The following LY75 variants were observed in gnomAD, a reference collection of about 807,000 sequenced individuals.
LY75 encodes lymphocyte antigen 75, also known as C-type lectin domain family 13 member B.
Under a neutral mutation model 231.7 loss-of-function variants are expected in LY75, and 185 were observed. The observed-to-expected ratio is 0.80, with a 90% CI of 0.71 to 0.90. LY75 has a LOEUF of 0.90. Ranked by LOEUF, LY75 falls within the 40% of genes least tolerant of loss-of-function variation. The probability of loss-of-function intolerance (pLI) is 0.00; values close to 1 mark genes in which losing one functional copy is unlikely to be tolerated. For synonymous variants in LY75, 668 were observed against 689.0 expected, an observed-to-expected ratio of 0.97 and a Z score of 0.48; for missense variants, 1,947 against 2,050.2, an observed-to-expected ratio of 0.95 and a Z score of 0.97.
intron 1 of LY75, 70 bp downstream of exon 1, chr2:159,904,519 G>C (rs1241156852): frequency 2.1e-6 from 3 of 1,439,214 alleles, no homozygotes; most frequent in Non-Finnish European, 2.7e-6. Context: ...CCCTGCCCCA[G>C]GCTGGAAGGC....
intron 14 of LY75, among the ~76,000 whole-genome samples, chr2:159,861,169 C>CT (rs1015697588): frequency 2.0e-4 from 30 of 152,202 alleles, no homozygotes; most frequent in Non-Finnish European, 3.4e-4. Context: ...TTGCAAAATA[C>CT]TTTTTTCTTT....
intron 25 of LY75, among the ~76,000 whole-genome samples, chr2:159,840,253 G>C (rs1473012138): frequency 6.6e-6 from 1 of 152,058 alleles, no homozygotes; most frequent in East Asian, 1.9e-4. Flanking sequence ...TCTTTCAATA[G>C]TGGAAAGATA....
intron 28 of LY75, among the ~76,000 whole-genome samples, chr2:159,826,590 G>A (rs755064132): frequency 6.6e-6 from 1 of 152,162 alleles, no homozygotes; most frequent in Non-Finnish European, 1.5e-5. Context: ...TTTCTTCACA[G>A]AACTGGAAAA....
At chr2:159,900,871 C>G (rs370904706) in intron 1 of LY75, among the ~76,000 whole-genome samples, 1 of 152,058 alleles carries the variant, frequency 6.6e-6, no homozygotes, top group South Asian at 2.1e-4. Context: ...TGGAGTCTTG[C>G]TCTGTTGCCC....
At chr2:159,870,674 CT>C (rs34789684) in intron 13 of LY75, among the ~76,000 whole-genome samples, 53,151 of 141,522 alleles carry the variant, frequency 0.38, 10,902 homozygotes, top group South Asian at 0.67. Flanking sequence ...CCAGCTAATT[CT>C]TTTTTTTTTT....
chr2:159,901,119 A>C (rs911581697), intron 1 of LY75, among the ~76,000 whole-genome samples: 1 of 152,184 alleles, frequency 6.6e-6, no homozygotes, highest in African/African-American at 2.4e-5. Flanking sequence ...GATTATAGGC[A>C]TGAGATACCG....
chr2:159,819,399 C>G (rs1218905327), intron 29 of LY75, among the ~76,000 whole-genome samples: 1 of 136,606 alleles, frequency 7.3e-6, no homozygotes, highest in Non-Finnish European at 1.7e-5. Flanking sequence ...CTTCTTGAAG[C>G]CTTTCCTTTT....
chr2:159,904,277 C>G (rs902003676), intron 1 of LY75, among the ~76,000 whole-genome samples: 1 of 152,202 alleles, frequency 6.6e-6, no homozygotes, highest in Admixed American at 6.5e-5. Context: ...AGAGAGGCGA[C>G]GATGGAGCAG....
chr2:159,806,897 T>C, intron 34 of LY75, 76 bp downstream of exon 34: 1 of 1,489,430 alleles, frequency 6.7e-7, no homozygotes, highest in Non-Finnish European at 9.0e-7. Context: ...ATACAGAATT[T>C]TGTACATAAT....
rs762436414 is a variant in LY75, at chr2:159,882,194, G to GA, written c.1175dup (p.Ser393GlnfsTer2). The GA allele has an allele frequency of 1.2e-6, 2 of 1,614,052 alleles. No individual in the cohort carries two copies. Among genetic ancestry groups the GA allele is most frequent in the East Asian group, 4.5e-5 (2 of 44,876 alleles). The stretch of plus-strand genomic sequence containing the variant: ...AATGAATGCTGATTAGGTCACTACT[G>GA]AAGGCTTTGCATTTCGCATGTGCCT... On this transcript the variant is annotated frameshift_variant, in exon 7 of 35. Coordinates refer to ENST00000263636, the MANE Select transcript of LY75 (RefSeq NM_002349.4). LOFTEE classifies it high-confidence loss of function.
rs775864913 is a variant in LY75 at position 159,819,869 on chromosome 2, C to T, written c.4010G>A (p.Arg1337Lys). The change falls in exon 29 of 35, where the codon AGA becomes AAA. Residue 1337 changes from arginine (R) to lysine (K), a missense_variant. Physicochemically the swap from Arg to Lys is conservative, Grantham distance 26. Coordinates refer to ENST00000263636, the MANE Select transcript of LY75 (RefSeq NM_002349.4). Reference protein sequence around the residue: ...DKTPLSYTHWRAGRPTIKNEK... With the variant: ...DKTPLSYTHWKAGRPTIKNEK... ...ATTTTTTATAGTTGGTCTTCCTGCT[C>T]TCCAATGTGTATATGACAGTGGGGT... The T allele has an allele frequency of 6.2e-6, 10 of 1,614,048 alleles. No individual in the cohort carries two copies. The highest frequency in any genetic ancestry group is 1.7e-5 in the Admixed American group (1 of 60,022).
chr2:159,821,993 C>G (rs1472578591), intron 28 of LY75, among the ~76,000 whole-genome samples: 5 of 152,184 alleles, frequency 3.3e-5, no homozygotes, highest in African/African-American at 1.2e-4. Context: ...CTGAGGAACT[C>G]TGGCACAGAT....
Position 159,890,395 on chromosome 2 carries a change from T to C in LY75, c.638-18A>G, listed in dbSNP as rs777135947. ...ACCGTTTTCTGTTGATAAAGACACG[T>C]TAGTGATCATAAAGTAAGGACATAA... On this transcript the variant is annotated intron_variant, in intron 3 of 34. Coordinates refer to ENST00000263636, the MANE Select transcript of LY75 (RefSeq NM_002349.4). The C allele has an allele frequency of 1.2e-6, 2 of 1,611,624 alleles. No homozygotes were observed.
intron 4 of LY75, among the ~76,000 whole-genome samples, chr2:159,888,338 T>C (rs1376199905): frequency 6.6e-6 from 1 of 152,176 alleles, no homozygotes; most frequent in Non-Finnish European, 1.5e-5. Flanking sequence ...TGATCACACC[T>C]GTGAATATCC....
Position 159,879,239 on chromosome 2 carries a change from T to C in LY75, c.1515+20A>G. 6.2e-7 allele frequency: 1 copy of C among 1,603,194 alleles called. No individual in the cohort carries two copies. The highest frequency in any genetic ancestry group is 8.5e-7 in the Non-Finnish European group (1 of 1,177,512). On this transcript the variant is annotated intron_variant, in intron 9 of 34. Transcript: ENST00000263636. ...AGTTGTAATACTGCTTGAGAAAATT[T>C]ACATAGGGATTTTACCTACCTCATC...
chr2:159,849,608 TG>T (rs945344704), intron 23 of LY75, among the ~76,000 whole-genome samples: 1 of 152,232 alleles, frequency 6.6e-6, no homozygotes, highest in African/African-American at 2.4e-5. Context: ...ATCAGAAGGC[TG>T]GGGAGGCACC....
chr2:159,816,715 T>G, intron 30 of LY75, 91 bp downstream of exon 30: 14 of 1,540,162 alleles, frequency 9.1e-6, no homozygotes, highest in African/African-American at 1.4e-5. Context: ...CTTCATCTAA[T>G]GTTGTACTTT....
chr2:159,816,087 AT>A (rs1574523431), intron 30 of LY75, among the ~76,000 whole-genome samples: 2 of 152,144 alleles, frequency 1.3e-5, no homozygotes. Flanking sequence ...TGAATTTATA[AT>A]CTTAACTTGC....
At chr2:159,814,389 C>T (rs1683055072) in intron 31 of LY75, among the ~76,000 whole-genome samples, 1 of 152,108 alleles carries the variant, frequency 6.6e-6, no homozygotes, top group African/African-American at 2.4e-5. Flanking sequence ...TAGCTCACAC[C>T]TATACTCTCA....
Sources: gnomAD v4.1 joint callset for allele counts (sites outside exome capture counted in the v4.1 genomes callset) on GRCh38, gnomAD v4.1.1 for gene constraint, MANE v1.5 for transcripts, NCBI Gene and HGNC (gene_info 2026-07-23, HGNC 2026-07-21) for gene names.